CASK: variants seen among roughly 807,000 people sequenced by gnomAD.
CASK encodes the protein calcium/calmodulin dependent serine protein kinase, also known as peripheral plasma membrane protein CASK.
In CASK, 4 loss-of-function variants were observed where a neutral mutation model predicts 82.9. The ratio of observed to expected loss-of-function variants is 0.05; its 90% CI spans 0.02 to 0.11. The LOEUF is 0.11. Ranked by LOEUF, CASK falls within the 10% of genes least tolerant of loss-of-function variation. CASK has a pLI of 1.00. For missense variants in CASK, 358 were observed against 720.9 expected (o/e 0.50, Z 5.76); for synonymous variants, 259 against 253.5 (o/e 1.02, Z -0.20).
intron 1 of CASK, among the ~76,000 whole-genome samples, chrX:41,859,974 C>T (rs779037221): frequency 9.0e-6 from 1 of 110,661 alleles, no homozygotes; most frequent in Non-Finnish European, 1.9e-5. Context: ...TGTGTGTATT[C>T]ACATATATAC....
chrX:41,797,432 C>T (rs2069883482), intron 2 of CASK, among the ~76,000 whole-genome samples: 1 of 110,885 alleles, frequency 9.0e-6, no homozygotes, highest in African/African-American at 3.3e-5. Context: ...CAACCGCCTC[C>T]ATAGATGCCT....
At chrX:41,701,259 A>G (rs2067788540) in intron 5 of CASK, among the ~76,000 whole-genome samples, 1 of 112,276 alleles carries the variant, frequency 8.9e-6, no homozygotes, top group Non-Finnish European at 1.9e-5. Flanking sequence ...GTTCATCTGT[A>G]GATGGGAAAG....
At chrX:41,666,576 T>C (rs963431029) in intron 6 of CASK, among the ~76,000 whole-genome samples, 31 of 112,130 alleles carry the variant, frequency 2.8e-4, no homozygotes, top group African/African-American at 9.7e-4. Context: ...ATATATCAAG[T>C]TCTGTTCATG....
intron 8 of CASK, among the ~76,000 whole-genome samples, chrX:41,642,197 A>G (rs893389812): frequency 9.0e-6 from 1 of 111,483 alleles, no homozygotes; most frequent in Non-Finnish European, 1.9e-5. Context: ...ATAGTGCTGT[A>G]ATAAACAGAC....
At chrX:41,638,072 A>T (rs2066588800) in intron 8 of CASK, among the ~76,000 whole-genome samples, 1 of 112,460 alleles carries the variant, frequency 8.9e-6, no homozygotes, top group South Asian at 3.7e-4. Context: ...TCAAGAGCTG[A>T]TTATATGCCA....
chrX:41,658,600 G>A (rs1311443113), intron 8 of CASK, among the ~76,000 whole-genome samples: 3 of 111,846 alleles, frequency 2.7e-5, no homozygotes, highest in African/African-American at 9.8e-5. Context: ...GAGGAGCAAG[G>A]ATGGAGGCCT....
At chrX:41,739,056 T>TC (rs71274278) in intron 5 of CASK, among the ~76,000 whole-genome samples, 1 of 111,593 alleles carries the variant, frequency 9.0e-6, no homozygotes, top group Non-Finnish European at 1.9e-5. Context: ...AATTCTAATT[T>TC]CCCCCCCAAT....
chrX:41,586,044 G>A (rs773813799), intron 14 of CASK: 1 of 110,990 alleles, frequency 9.0e-6, no homozygotes. Flanking sequence ...CAGCTACTCG[G>A]GAGGCTTAGG....
At position 41,745,511 on chromosome X, in the gene CASK, A is replaced by G; in HGVS notation, c.356+13T>C. 8.9e-7 allele frequency: 1 copy of G among 1,128,341 alleles called. No individual in the cohort carries two copies. Among genetic ancestry groups the G allele is most frequent in the East Asian group, 3.0e-5 (1 of 33,459 alleles). The allele number at this position is 1,128,341 out of a possible 1,213,427, so 93.0% of individuals were successfully genotyped here. On this transcript the variant is annotated intron_variant, in intron 4 of 26. Coordinates refer to ENST00000378163, the MANE Select transcript of CASK (RefSeq NM_001367721.1). ...TCAACTTGACCTCTGGTGATTAGAT[A>G]TACAATACATACCTGGCTACAGCTT... is the stretch of plus-strand genomic sequence containing the variant.
chrX:41,822,934 A>G (rs1428843242), intron 2 of CASK, among the ~76,000 whole-genome samples: 1 of 105,435 alleles, frequency 9.5e-6, no homozygotes. Context: ...TACCCATACA[A>G]TTTTCCTTTC....
chrX:41,615,868 C>T (rs1321872263), intron 11 of CASK, among the ~76,000 whole-genome samples: 2 of 111,713 alleles, frequency 1.8e-5, no homozygotes, highest in Non-Finnish European at 3.8e-5. Context: ...CTCAAGTGAT[C>T]CGCCTGCCTC....
chrX:41,586,719 C>G, intron 14 of CASK, 188 bp downstream of exon 14: 1 of 416,426 alleles, frequency 2.4e-6, no homozygotes, highest in South Asian at 3.6e-5. Flanking sequence ...AGTATCTTTA[C>G]AGTTGTGACA....
intron 4 of CASK, among the ~76,000 whole-genome samples, chrX:41,740,941 G>A (rs781128943): frequency 8.9e-6 from 1 of 112,035 alleles, no homozygotes; most frequent in South Asian, 3.7e-4. Context: ...GGAGTGCAAT[G>A]GTGGGATCTC....
chrX:41,838,067 G>A (rs1383215091), intron 2 of CASK, among the ~76,000 whole-genome samples: 1 of 111,235 alleles, frequency 9.0e-6, no homozygotes, highest in Non-Finnish European at 1.9e-5. Flanking sequence ...TGCACAGACT[G>A]GTCTTGAACT....
At chrX:41,832,093 G>A (rs181028754) in intron 2 of CASK, among the ~76,000 whole-genome samples, 199 of 110,409 alleles carry the variant, frequency 1.8e-3, no homozygotes, top group Admixed American at 2.0e-3. Flanking sequence ...TCTATGTAAG[G>A]CTTAAACTCT....
intron 2 of CASK, among the ~76,000 whole-genome samples, chrX:41,830,387 T>C (rs1245611052): frequency 9.0e-6 from 1 of 111,411 alleles, no homozygotes; most frequent in African/African-American, 3.3e-5. Flanking sequence ...TGAGGATACC[T>C]AAACATCTTC....
At chrX:41,795,590 C>T (rs960732985) in intron 2 of CASK, among the ~76,000 whole-genome samples, 12 of 110,982 alleles carry the variant, frequency 1.1e-4, no homozygotes, top group African/African-American at 2.0e-4. Flanking sequence ...CACCTGAGCC[C>T]GAGAGGTGGA....
intron 2 of CASK, among the ~76,000 whole-genome samples, chrX:41,835,585 T>C (rs1200891910): frequency 1.8e-5 from 2 of 111,870 alleles, no homozygotes; most frequent in African/African-American, 3.3e-5. Flanking sequence ...GAAATTCAGG[T>C]TAAGAGACAT....
rs199730401 is a variant in CASK, at chrX:41,534,957, A to G, written c.2172T>C (p.Asp724=). ...AKHNAVFDQL[D]LVTYEEVVKL... is the part of the protein sequence containing the mutation. ...TTACTACTTCTTCATATGTGACAAGATCTAATTGATCAAACACTAAAACGC... is the reference window on the plus strand; with the variant it reads ...TTACTACTTCTTCATATGTGACAAGGTCTAATTGATCAAACACTAAAACGC... The change falls in exon 23 of 27, where the codon GAT becomes GAC. Residue 724 remains aspartate (D), a synonymous_variant. Transcript: ENST00000378163. The G allele has an allele frequency of 2.4e-4, 278 of 1,179,376 alleles. No homozygotes were observed. The highest frequency in any genetic ancestry group is 3.0e-4 in the Non-Finnish European group (262 of 869,131).
Sources: allele counts gnomAD v4.1 joint callset (sites outside exome capture counted in the v4.1 genomes callset), GRCh38; gene constraint gnomAD v4.1.1; transcripts MANE v1.5; gene names NCBI Gene and HGNC (gene_info 2026-07-23, HGNC 2026-07-21).